Variants in COL11A2 observed in about 807,000 individuals in gnomAD.
COL11A2 encodes collagen type XI alpha 2 chain.
In COL11A2, 116 loss-of-function variants were observed where a neutral mutation model predicts 273.4. The ratio of observed to expected loss-of-function variants is 0.42; its 90% CI spans 0.36 to 0.49. The LOEUF is 0.49. Among genes scored for constraint, COL11A2 ranks in the 20% least tolerant of loss-of-function variants. The pLI, the probability that COL11A2 is intolerant of heterozygous loss-of-function variation, is 0.00. For missense variants in COL11A2, 1,866 were observed against 2,309.0 expected (o/e 0.81, Z 3.93); for synonymous variants, 782 against 864.2 (o/e 0.90, Z 1.67).
At chr6:33,184,606 A>G (rs1431548712) in intron 7 of COL11A2, among the ~76,000 whole-genome samples, 2 of 152,332 alleles carry the variant, frequency 1.3e-5, no homozygotes, top group Admixed American at 6.5e-5. Flanking sequence ...TGGACAGTCC[A>G]TGGACACAAT....
At position 33,177,020 on chromosome 6, in the gene COL11A2, G is replaced by C; in HGVS notation, c.2042C>G (p.Pro681Arg). The change falls in exon 25 of 66, where the codon CCC (proline) becomes CGC (arginine). Residue 681 changes from proline (P) to arginine (R), a missense_variant. Pro to Arg is a moderately radical substitution (Grantham distance 103). Transcript: ENST00000341947. The surrounding 1 kb of genome is among the most constrained non-coding windows in gnomAD (Gnocchi z 5.9). ...GGGTCCGTCTGAGCCAGGCATGCCG[G>C]GGAGCCCTGGCTTCCCTTGAGGACC... ...EKGPQGKPGL[P>R]GMPGSDGPPG... 1.2e-6 allele frequency: 2 copies of C among 1,612,092 alleles called. No individual in the cohort carries two copies. Among genetic ancestry groups the C allele is most frequent in the Non-Finnish European group, 1.7e-6 (2 of 1,179,592 alleles).
rs1554223383 is a variant in COL11A2, at chr6:33,184,131, C to T, written c.1119+14G>A. On this transcript the variant is annotated intron_variant, in intron 8 of 65. Transcript: ENST00000341947. ...CTGGTAGTCAAGAATGAAAGAGAAG[C>T]TCCTTTCACTTACGGCTCCTGAGTG... 7.3e-7 allele frequency: 1 copy of T among 1,366,800 alleles called. No homozygotes were observed. The highest frequency in any genetic ancestry group is 9.8e-7 in the Non-Finnish European group (1 of 1,021,736). The allele number at this position is 1,366,800 out of a possible 1,614,324, so 84.7% of individuals were successfully genotyped here.
In COL11A2 at chr6:33,184,848, C is replaced by T. The variant is rs1030861912; in HGVS notation, c.939+144G>A. On this transcript the variant is annotated intron_variant, in intron 7 of 65. Transcript: ENST00000341947. The stretch of plus-strand genomic sequence containing the variant: ...AGCAGGCCCATAGTTCTAGAGTGAC[C>T]CAAAGACAGAGGCCATCGATGGAAA... 1.4e-4 allele frequency: 98 copies of T among 711,484 alleles called. 1 individual carries two copies. The highest frequency in any genetic ancestry group is 2.2e-4 in the Non-Finnish European group (89 of 401,128). The allele number at this position is 711,484 out of a possible 1,614,324, so 44.1% of individuals were successfully genotyped here.
chr6:33,175,503 C>A, intron 30 of COL11A2, 71 bp downstream of exon 30: 2 of 1,300,334 alleles, frequency 1.5e-6, no homozygotes, highest in Non-Finnish European at 2.2e-6. Flanking sequence ...CAGCGGCGGG[C>A]ACCCATGCCC....
chr6:33,163,614 A>G lies in COL11A2; in HGVS notation c.*64T>C. On this transcript the variant is annotated 3_prime_UTR_variant, in exon 66 of 66. Coordinates refer to ENST00000341947, the MANE Select transcript of COL11A2 (RefSeq NM_080680.3). The surrounding 1 kb of genome is among the most constrained non-coding windows in gnomAD (Gnocchi z 4.1). ...GGAGCCCTCTTGGGAGGTGGCACAG[A>G]GCTGATGTTGTGGGATTCCAGGTGG... is the stretch of plus-strand genomic sequence containing the variant. The G allele has an allele frequency of 6.2e-7, 1 of 1,611,938 alleles. No homozygotes were observed. The highest frequency in any genetic ancestry group is 2.2e-5 in the East Asian group (1 of 44,852).
chr6:33,193,316 G>A (rs1347299058), upstream of COL11A2, among the ~76,000 whole-genome samples: 18 of 151,980 alleles, frequency 1.2e-4, no homozygotes, highest in Non-Finnish European at 2.9e-5. Context: ...CCGAGGCGCC[G>A]CCGCCCGCTG....
chr6:33,170,999 C>G lies in COL11A2; in HGVS notation c.3367-82G>C. On this transcript the variant is annotated intron_variant, in intron 45 of 65. Transcript: ENST00000341947. The surrounding 1 kb of genome is among the most constrained non-coding windows in gnomAD (Gnocchi z 4.3). ...GTTCTCTATCCACAAATACCACACA[C>G]AGCTGGGTGCCAGGCCCAGAGCCCC... 6.3e-7 allele frequency: 1 copy of G among 1,580,528 alleles called. No individual in the cohort carries two copies. Among genetic ancestry groups the G allele is most frequent in the Non-Finnish European group, 8.7e-7 (1 of 1,152,954 alleles).
rs916818772 is a variant in COL11A2, at chr6:33,170,801, C to T, written c.3474+9G>A. ...CACCTCTCAGCCCCTGTCCTATCCC[C>T]CAACACACCTGTAGGCCAATGGGTC... On this transcript the variant is annotated intron_variant, in intron 46 of 65. Transcript: ENST00000341947. This position sits in a 1 kb window ranked among gnomAD's most constrained non-coding sequence, Gnocchi z 4.3. 6.2e-7 allele frequency: 1 copy of T among 1,611,946 alleles called. No individual in the cohort carries two copies. Among genetic ancestry groups the T allele is most frequent in the Admixed American group, 1.7e-5 (1 of 59,974 alleles).
Position 33,178,191 on chromosome 6 carries a change from T to C in COL11A2, c.1819-6A>G. 6.2e-7 allele frequency: 1 copy of C among 1,612,146 alleles called. No individual in the cohort carries two copies. The highest frequency in any genetic ancestry group is 8.5e-7 in the Non-Finnish European group (1 of 1,179,384). On this transcript the variant is annotated splice_polypyrimidine_tract_variant and splice_region_variant and intron_variant, in intron 20 of 65. Coordinates refer to ENST00000341947, the MANE Select transcript of COL11A2 (RefSeq NM_080680.3). This position sits in a 1 kb window ranked among gnomAD's most constrained non-coding sequence, Gnocchi z 4.6. Reference sequence around the variant, plus strand: ...CCAAGGAGACCTCGAGGTCCCTGCATTCACGGTGAGGGGAGGAGACGGCAT... The same window carrying C: ...CCAAGGAGACCTCGAGGTCCCTGCACTCACGGTGAGGGGAGGAGACGGCAT...
chr6:33,171,079 G>T, intron 45 of COL11A2, 35 bp downstream of exon 45: 1 of 1,573,778 alleles, frequency 6.4e-7, no homozygotes, highest in Non-Finnish European at 8.6e-7. Flanking sequence ...ACCAGAGGCT[G>T]CTGGGCCTTC....
chr6:33,179,870 G>A lies in COL11A2; in HGVS notation c.1360-65C>T, dbSNP rs2982272. 2 of 1,487,108 alleles carry A rather than the reference G, an allele frequency of 1.3e-6. No individual in the cohort carries two copies. Among genetic ancestry groups the A allele is most frequent in the South Asian group, 2.3e-5 (2 of 88,782 alleles). 92.1% of individuals were successfully genotyped at this position (1,487,108 alleles called of 1,614,324 possible). ...AAGCCATGGGACCCTCCCAGCCAGA[G>A]GCTTTCTCCAGCGTTTCTGCCCCTT... On this transcript the variant is annotated intron_variant, in intron 12 of 65. Coordinates refer to ENST00000341947, the MANE Select transcript of COL11A2 (RefSeq NM_080680.3). This position sits in a 1 kb window ranked among gnomAD's most constrained non-coding sequence, Gnocchi z 6.4.
chr6:33,164,941 G>T lies in COL11A2; in HGVS notation c.4774C>A (p.Gln1592Lys). ...PDGEYWVDPN[Q>K]GCARDAFRVF... ...CGGAAGGCATCCCGAGCACAGCCCT[G>T]GTTGGGGTCGACCCAGTACTCTCCT... Residue 1592 changes from glutamine (Q) to lysine (K), a missense_variant, in exon 64 of 66, where the codon CAG becomes AAG. By Grantham distance (53) the Gln-to-Lys change is moderately conservative (BLOSUM62 1). Transcript: ENST00000341947. The surrounding 1 kb of genome is among the most constrained non-coding windows in gnomAD (Gnocchi z 4.7). 1 of 1,577,640 alleles carries T rather than the reference G, an allele frequency of 6.3e-7. No individual in the cohort carries two copies. The highest frequency in any genetic ancestry group is 8.6e-7 in the Non-Finnish European group (1 of 1,160,272).
At chr6:33,171,446 G>T (rs1211360151) in intron 43 of COL11A2, 21 bp downstream of exon 43, 1 of 1,611,790 alleles carries the variant, frequency 6.2e-7, no homozygotes, top group South Asian at 1.1e-5. Context: ...AGATTGGTCG[G>T]GGTCTGTGGG....
In COL11A2 at chr6:33,169,329, G is replaced by A. The variant is rs777951561; in HGVS notation, c.3798+54C>T. On this transcript the variant is annotated intron_variant, in intron 51 of 65. Coordinates refer to ENST00000341947, the MANE Select transcript of COL11A2 (RefSeq NM_080680.3). The surrounding 1 kb of genome is among the most constrained non-coding windows in gnomAD (Gnocchi z 5.5). Reference sequence around the variant, plus strand: ...TCCCTCACACACACCCATATTCCCAGGTCTGTCATTCACAGGGCCTGAGAG... The same window carrying A: ...TCCCTCACACACACCCATATTCCCAAGTCTGTCATTCACAGGGCCTGAGAG... 9 of 1,496,574 alleles carry A rather than the reference G, an allele frequency of 6.0e-6. No homozygotes were observed. Among genetic ancestry groups the A allele is most frequent in the Non-Finnish European group, 8.3e-6 (9 of 1,080,410 alleles). 92.7% of individuals were successfully genotyped at this position (1,496,574 alleles called of 1,614,324 possible).
Position 33,170,403 on chromosome 6 carries a change from G to T in COL11A2, c.3529-24C>A. 1 of 1,611,096 alleles carries T rather than the reference G, an allele frequency of 6.2e-7. No individual in the cohort carries two copies. The highest frequency in any genetic ancestry group is 1.7e-5 in the Admixed American group (1 of 59,922). ...CCCTGGGGGAAACAGATACACCACA[G>T]ATGAGGAAGGGAAGTGAGATGGCTG... is the stretch of plus-strand genomic sequence containing the variant. On this transcript the variant is annotated intron_variant, in intron 47 of 65. Transcript: ENST00000341947. This position sits in a 1 kb window ranked among gnomAD's most constrained non-coding sequence, Gnocchi z 4.3.
intron 30 of COL11A2, 95 bp downstream of exon 30, chr6:33,175,475 CAACT>C: frequency 1.0e-6 from 1 of 952,412 alleles, no homozygotes; most frequent in Non-Finnish European, 1.7e-6. Flanking sequence ...TGGCCATCTT[CAACT>C]GACTGGCTGA....
intron 8 of COL11A2, among the ~76,000 whole-genome samples, chr6:33,182,346 C>T (rs1771839135): frequency 6.6e-6 from 1 of 152,204 alleles, no homozygotes; most frequent in Non-Finnish European, 1.5e-5. Context: ...CTATTATGCA[C>T]AGAATTTTAT....
In COL11A2 at chr6:33,178,544, A is replaced by G; in HGVS notation, c.1720-56T>C. 5 of 1,611,000 alleles carry G rather than the reference A, an allele frequency of 3.1e-6. No individual in the cohort carries two copies. The highest frequency in any genetic ancestry group is 2.5e-6 in the Non-Finnish European group (3 of 1,178,372). On this transcript the variant is annotated intron_variant, in intron 18 of 65. Transcript: ENST00000341947. This position sits in a 1 kb window ranked among gnomAD's most constrained non-coding sequence, Gnocchi z 4.6. ...TTCAGAGCCCCCAACACAGGCAGAC[A>G]CCGAACCTCTGCACTTAGCCCATCC...
intron 4 of COL11A2, 70 bp from the exon 5 acceptor site, chr6:33,186,888 AG>A: frequency 6.2e-7 from 1 of 1,603,458 alleles, no homozygotes; most frequent in South Asian, 1.1e-5. Context: ...CGGGAGAAAG[AG>A]TATAGGAGGC....
Sources: allele counts gnomAD v4.1 joint callset (sites outside exome capture counted in the v4.1 genomes callset), GRCh38; gene constraint gnomAD v4.1.1; non-coding constraint Gnocchi (gnomAD v3.1); transcripts MANE v1.5; gene names NCBI Gene and HGNC (gene_info 2026-07-23, HGNC 2026-07-21).